The following KAT2A variants were observed in gnomAD, a reference collection of about 807,000 sequenced individuals.
KAT2A encodes lysine acetyltransferase 2A.
In KAT2A, 42 loss-of-function variants were observed where a neutral mutation model predicts 95.2. That is an observed-to-expected ratio of 0.44 (90% confidence interval 0.34 to 0.57). KAT2A has a LOEUF of 0.57. Ranked by LOEUF, KAT2A falls within the 20% of genes least tolerant of loss-of-function variation. The probability of loss-of-function intolerance (pLI) is 0.01; values close to 1 mark genes in which losing one functional copy is unlikely to be tolerated. For synonymous variants in KAT2A, 449 were observed against 448.2 expected, an observed-to-expected ratio of 1.00 and a Z score of -0.02; for missense variants, 784 against 1,126.3, an observed-to-expected ratio of 0.70 and a Z score of 4.35.
rs1471212099 is a variant in KAT2A at position 42,117,267 on chromosome 17, G to T, written c.1638-106C>A. On this transcript the variant is annotated intron_variant, in intron 10 of 17. Coordinates refer to ENST00000225916, the MANE Select transcript of KAT2A (RefSeq NM_021078.3). This position sits in a 1 kb window ranked among gnomAD's most constrained non-coding sequence, Gnocchi z 8.9. ...GGGTTGGGCAGTGAGAAGTAAGAATGCTCAAAGGATGAACCTCAGAAGTGG... is the reference window on the plus strand; with the variant it reads ...GGGTTGGGCAGTGAGAAGTAAGAATTCTCAAAGGATGAACCTCAGAAGTGG... The T allele has an allele frequency of 3.2e-6, 5 of 1,555,946 alleles. No homozygotes were observed. The African/African-American group carries it at 5.4e-5, about 17-fold the overall frequency.
At position 42,117,917 on chromosome 17, in the gene KAT2A, C is replaced by T; in HGVS notation, c.1281G>A (p.Glu427=). 2 of 1,603,710 alleles carry T rather than the reference C, an allele frequency of 1.2e-6. No homozygotes were observed. Among genetic ancestry groups the T allele is most frequent in the Non-Finnish European group, 1.7e-6 (2 of 1,173,404 alleles). ...GGGTCAAGTATCCACCTGGCATAGGCTCGGCCCCTGCAGAATCCAGACTCA... is the reference window on the plus strand; with the variant it reads ...GGGTCAAGTATCCACCTGGCATAGGTTCGGCCCCTGCAGAATCCAGACTCA... ...SSLSLDSAGA[E]PMPGEKRTLP... is the part of the protein sequence containing the mutation. The change falls in exon 8 of 18, where the codon GAG becomes GAA. Residue 427 remains glutamate (E), a synonymous_variant. Transcript: ENST00000225916. The surrounding 1 kb of genome is among the most constrained non-coding windows in gnomAD (Gnocchi z 8.9).
chr17:42,118,978 CCCCCATGGGAAACAATTAGTAACAT>C, intron 6 of KAT2A: 1 of 1,247,784 alleles, frequency 8.0e-7, no homozygotes, highest in African/African-American at 1.5e-5. Flanking sequence ...TGTGTCCAGG[CCCCCATGGGAAACAATTAGTAACAT>C]CTACTGGGGC....
In KAT2A at chr17:42,113,636, C is replaced by A. The variant is rs782803613; in HGVS notation, c.*13G>T. The A allele has an allele frequency of 6.2e-7, 1 of 1,602,108 alleles. No homozygotes were observed. The highest frequency in any genetic ancestry group is 8.5e-7 in the Non-Finnish European group (1 of 1,176,692). ...GAGACATTCCAGGTCAGGGCTGCGG[C>A]CCAAAGATGGGCCTACTTGTCAATG... On this transcript the variant is annotated 3_prime_UTR_variant, in exon 18 of 18. Coordinates refer to ENST00000225916, the MANE Select transcript of KAT2A (RefSeq NM_021078.3).
chr17:42,120,860 T>C (rs1473696313), intron 1 of KAT2A, 31 bp from the exon 2 acceptor site: 1 of 1,595,042 alleles, frequency 6.3e-7, no homozygotes, highest in African/African-American at 1.3e-5. Context: ...CAATGACCTA[T>C]ACCTCTGGGG....
At chr17:42,116,842 C>T (rs533558897) in intron 11 of KAT2A, among the ~76,000 whole-genome samples, 193 bp downstream of exon 11, 33 of 152,358 alleles carry the variant, frequency 2.2e-4, no homozygotes, top group Non-Finnish European at 8.8e-5. Context: ...GCTTGGGCTC[C>T]GTCTGTCAAC....
At position 42,121,004 on chromosome 17, in the gene KAT2A, T is replaced by C; in HGVS notation, c.301A>G (p.Lys101Glu). Residue 101 changes from lysine (K) to glutamate (E), a missense_variant, in exon 1 of 18, where the codon AAG becomes GAG. Lys to Glu is a moderately conservative substitution (Grantham distance 56, BLOSUM62 1). Coordinates refer to ENST00000225916, the MANE Select transcript of KAT2A (RefSeq NM_021078.3). ...KAQVRGLPRA[K>E]KLEKLGVFSA... is the part of the protein sequence containing the mutation. ...AAGACCCCTAGCTTCTCAAGCTTCT[T>C]GGCGCGCGGCAGCCCCCGGACTTGC... 1 of 1,594,718 alleles carries C rather than the reference T, an allele frequency of 6.3e-7. No homozygotes were observed. The highest frequency in any genetic ancestry group is 8.5e-7 in the Non-Finnish European group (1 of 1,172,102).
At chr17:42,118,748 C>T (rs1555666653) in intron 6 of KAT2A, among the ~76,000 whole-genome samples, 1 of 152,234 alleles carries the variant, frequency 6.6e-6, no homozygotes, top group Non-Finnish European at 1.5e-5. Context: ...TCCACCCCAC[C>T]TTGCCATCTC....
intron 6 of KAT2A, among the ~76,000 whole-genome samples, chr17:42,118,897 G>A (rs1367898466): frequency 3.9e-5 from 6 of 152,234 alleles, no homozygotes; most frequent in African/African-American, 1.4e-4. Context: ...CAGAACAGGA[G>A]TAGAAATTGG....
chr17:42,116,340 GAC>G (rs1186088926), intron 11 of KAT2A, among the ~76,000 whole-genome samples: 1 of 152,212 alleles, frequency 6.6e-6, no homozygotes, highest in Non-Finnish European at 1.5e-5. Flanking sequence ...TGAGGTATGC[GAC>G]ACACAGAGCC....
At position 42,114,777 on chromosome 17, in the gene KAT2A, C is replaced by G; in HGVS notation, c.2019+115G>C. The G allele has an allele frequency of 1.6e-6, 2 of 1,277,202 alleles. No homozygotes were observed. Among genetic ancestry groups the G allele is most frequent in the South Asian group, 2.6e-5 (2 of 76,472 alleles). The allele number at this position is 1,277,202 out of a possible 1,614,324, so 79.1% of individuals were successfully genotyped here. A position where few individuals can be genotyped will look rare whatever the true frequency, so the allele number is the denominator to read the frequency against. ...CAAGAGCCAAGATCCTGGCCTGCCC[C>G]TCCTCACTCACACACATATATGCAT... On this transcript the variant is annotated intron_variant, in intron 13 of 17. Transcript: ENST00000225916. The surrounding 1 kb of genome is among the most constrained non-coding windows in gnomAD (Gnocchi z 6.0).
chr17:42,115,145 C>A, intron 12 of KAT2A, 110 bp from the exon 13 acceptor site: 1 of 1,072,998 alleles, frequency 9.3e-7, no homozygotes, highest in Non-Finnish European at 1.4e-6. Context: ...CCACCTCCTG[C>A]TCCTGAACCT....
rs2054273215 is a variant in KAT2A at position 42,117,312 on chromosome 17, T to C, written c.1637+76A>G. 6.4e-7 allele frequency: 1 copy of C among 1,565,960 alleles called. No individual in the cohort carries two copies. Among genetic ancestry groups the C allele is most frequent in the Non-Finnish European group, 8.8e-7 (1 of 1,142,278 alleles). ...AAGTGGGGAGCAGGGGATCCCCAAT[T>C]TTGAGGAGTGAAGAGGCCGAGGAGG... On this transcript the variant is annotated intron_variant, in intron 10 of 17. Transcript: ENST00000225916. The surrounding 1 kb of genome is among the most constrained non-coding windows in gnomAD (Gnocchi z 8.9).
At chr17:42,120,422 G>C (rs782735561) in intron 2 of KAT2A, 52 bp from the exon 3 acceptor site, 6 of 1,587,140 alleles carry the variant, frequency 3.8e-6, no homozygotes, top group South Asian at 3.3e-5. Flanking sequence ...AATCAACAAG[G>C]CTTCTTGACC....
Position 42,115,049 on chromosome 17 carries a change from GGTCATGA to G in KAT2A, c.1876-21_1876-15del. 6.2e-7 allele frequency: 1 copy of G among 1,612,722 alleles called. No individual in the cohort carries two copies. The highest frequency in any genetic ancestry group is 8.5e-7 in the Non-Finnish European group (1 of 1,179,380). On this transcript the variant is annotated splice_polypyrimidine_tract_variant and intron_variant, in intron 12 of 17. Transcript: ENST00000225916. ...CTTGGAGAAACCCTGGGGGGTGGAT[GGTCATGA>G]CCCAGTCCATCCATAAGTATTTCCC...
Position 42,119,113 on chromosome 17 carries a change from T to TA in KAT2A, c.1073+131dup. 1 of 1,500,698 alleles carries TA rather than the reference T, an allele frequency of 6.7e-7. No individual in the cohort carries two copies. Among genetic ancestry groups the TA allele is most frequent in the Non-Finnish European group, 8.9e-7 (1 of 1,126,502 alleles). The allele number at this position is 1,500,698 out of a possible 1,614,324, so 93.0% of individuals were successfully genotyped here. ...CTGGGCCATGGGCAAGTCTGCCAGG[T>TA]AGACGCCCAGATCCCAAAAGGCCCA... On this transcript the variant is annotated intron_variant, in intron 6 of 17. Transcript: ENST00000225916. This position sits in a 1 kb window ranked among gnomAD's most constrained non-coding sequence, Gnocchi z 5.3.
rs782104613 is a variant in KAT2A, at chr17:42,114,548, C to T, written c.2076G>A (p.Gly692=). ...TCACGCCCTCCTTGAAGCAGCTGAG[C>T]CCCGGGTAGACCTTGCGGATCTGGG... ...KQAQIRKVYP[G]LSCFKEGVRQ... is the part of the protein sequence containing the mutation. Residue 692 remains glycine (G), a synonymous_variant, in exon 14 of 18, where the codon GGG becomes GGA. Coordinates refer to ENST00000225916, the MANE Select transcript of KAT2A (RefSeq NM_021078.3). The surrounding 1 kb of genome is among the most constrained non-coding windows in gnomAD (Gnocchi z 6.0). 1 of 1,614,086 alleles carries T rather than the reference C, an allele frequency of 6.2e-7. No individual in the cohort carries two copies. The highest frequency in any genetic ancestry group is 8.5e-7 in the Non-Finnish European group (1 of 1,179,996).
intron 3 of KAT2A, 32 bp from the exon 4 acceptor site, chr17:42,120,151 A>G (rs1555666995): frequency 1.2e-6 from 2 of 1,612,588 alleles, no homozygotes; most frequent in Admixed American, 3.3e-5. Context: ...CATAGAGGGG[A>G]GGGGGGCAGA....
chr17:42,117,022 G>C lies in KAT2A; in HGVS notation c.1764+13C>G, dbSNP rs375685102. On this transcript the variant is annotated intron_variant, in intron 11 of 17. Coordinates refer to ENST00000225916, the MANE Select transcript of KAT2A (RefSeq NM_021078.3). This position sits in a 1 kb window ranked among gnomAD's most constrained non-coding sequence, Gnocchi z 8.9. ...GCCGTGGACTGGGGCTGGGGCCGGG[G>C]AGCCGCGCTCACCTTGACCTGCTCA... 30 of 1,613,420 alleles carry C rather than the reference G, an allele frequency of 1.9e-5. No individual in the cohort carries two copies. Among genetic ancestry groups the C allele is most frequent in the East Asian group, 1.6e-4 (7 of 44,870 alleles).
chr17:42,118,858 C>A (rs1438854176), intron 6 of KAT2A, among the ~76,000 whole-genome samples: 1 of 152,064 alleles, frequency 6.6e-6, no homozygotes, highest in Admixed American at 6.5e-5. Context: ...AAGGTGTGGC[C>A]GAACAGAAGA....
Sources: gnomAD v4.1 joint callset for allele counts (sites outside exome capture counted in the v4.1 genomes callset) on GRCh38, gnomAD v4.1.1 for gene constraint, Gnocchi (gnomAD v3.1) non-coding constraint, MANE v1.5 for transcripts, NCBI Gene and HGNC (gene_info 2026-07-23, HGNC 2026-07-21) for gene names.